Variants in DHX9 observed in about 807,000 individuals in gnomAD.
The protein encoded by DHX9 is DExH-box helicase 9.
Under a neutral mutation model 148.7 loss-of-function variants are expected in DHX9, and 27 were observed. That is an observed-to-expected ratio of 0.18 (90% confidence interval 0.13 to 0.25). The LOEUF (loss-of-function observed/expected upper bound fraction) is 0.25, where lower values mean the gene tolerates loss of function less well. Among genes scored for constraint, DHX9 ranks in the 10% least tolerant of loss-of-function variants. The probability of loss-of-function intolerance (pLI) is 1.00; values close to 1 mark genes in which losing one functional copy is unlikely to be tolerated. For synonymous variants in DHX9, 529 were observed against 516.6 expected (o/e 1.02, Z -0.33); for missense variants, 796 against 1,559.6 (o/e 0.51, Z 8.25).
At chr1:182,849,428 A>T (rs1287545735) in intron 3 of DHX9, among the ~76,000 whole-genome samples, 1 of 152,238 alleles carries the variant, frequency 6.6e-6, no homozygotes, top group Non-Finnish European at 1.5e-5. Flanking sequence ...TATTATAATC[A>T]AACCTAAAAG....
At chr1:182,865,643 A>G (rs1202082934) in intron 12 of DHX9, among the ~76,000 whole-genome samples, 1 of 152,242 alleles carries the variant, frequency 6.6e-6, no homozygotes, top group Non-Finnish European at 1.5e-5. Flanking sequence ...GCCAGGTGAT[A>G]GTATACACAA....
At chr1:182,853,164 T>C in intron 4 of DHX9, 142 bp from the exon 5 acceptor site, 1 of 598,212 alleles carries the variant, frequency 1.7e-6, no homozygotes, top group Non-Finnish European at 3.0e-6. Context: ...TGACCACACG[T>C]GATACCCACC....
At chr1:182,851,916 T>A (rs1328122773) in intron 3 of DHX9, among the ~76,000 whole-genome samples, 2 of 152,204 alleles carry the variant, frequency 1.3e-5, no homozygotes, top group Admixed American at 1.3e-4. Context: ...GTTAAGGTAG[T>A]AAACACTACT....
At chr1:182,852,434 C>G (rs1668171219) in intron 4 of DHX9, 90 bp downstream of exon 4, 2 of 819,198 alleles carry the variant, frequency 2.4e-6, no homozygotes, top group African/African-American at 3.5e-5. Flanking sequence ...GTAGAAAGAA[C>G]TGCAGTAAAC....
intron 3 of DHX9, among the ~76,000 whole-genome samples, chr1:182,849,313 C>G (rs1247773214): frequency 6.6e-6 from 1 of 152,192 alleles, no homozygotes; most frequent in Admixed American, 6.5e-5. Context: ...TTACTCATTT[C>G]TAACTACTCC....
rs368470286 is a variant in DHX9, at chr1:182,858,704, TTTTG to T, written c.901-21_901-18del. The T allele has an allele frequency of 9.9e-5, 160 of 1,612,942 alleles. 1 individual carries two copies. The African/African-American group carries it at 1.8e-3, about 18-fold the overall frequency. On this transcript the variant is annotated intron_variant, in intron 9 of 27. Transcript: ENST00000367549. ...TCTCCGTAGACAAGCAAATCATATT[TTTTG>T]TTTGTTTTTCTTATTTTTTAATAGC...
At position 182,883,338 on chromosome 1, in the gene DHX9, C is replaced by T. The variant is rs1649172546; in HGVS notation, c.3114C>T (p.Tyr1038=). The change falls in exon 25 of 28, where the codon TAC becomes TAT. Residue 1038 remains tyrosine, a synonymous_variant. Coordinates refer to ENST00000367549, the MANE Select transcript of DHX9 (RefSeq NM_001357.5). Reference sequence around the variant, plus strand: ...CTTTTAGTAGCCAAGACATGAAGTACCCATCTCCCTTCTTTGTATTTGGTG... The same window carrying T: ...CTTTTAGTAGCCAAGACATGAAGTATCCATCTCCCTTCTTTGTATTTGGTG... The part of the protein sequence containing the change: ...NCPFSSQDMK[Y]PSPFFVFGEK... The T allele has an allele frequency of 6.2e-7, 1 of 1,613,932 alleles. No individual in the cohort carries two copies.
chr1:182,844,080 T>C (rs1056137735), intron 3 of DHX9, among the ~76,000 whole-genome samples: 1 of 152,098 alleles, frequency 6.6e-6, no homozygotes, highest in African/African-American at 2.4e-5. Context: ...TCCGAGTAGC[T>C]GGGATTACAG....
intron 22 of DHX9, 103 bp downstream of exon 22, chr1:182,880,711 C>G: frequency 1.4e-6 from 1 of 703,616 alleles, no homozygotes; most frequent in South Asian, 1.9e-5. Flanking sequence ...AAAAAAAAAT[C>G]CTAAATGTTC....
chr1:182,883,998 T>G (rs970401684), intron 26 of DHX9, among the ~76,000 whole-genome samples: 2 of 152,172 alleles, frequency 1.3e-5, no homozygotes, highest in Non-Finnish European at 2.9e-5. Context: ...GTATTCTGGG[T>G]CTCTTAAATT....
At chr1:182,850,417 C>G (rs1375069193) in intron 3 of DHX9, among the ~76,000 whole-genome samples, 2 of 151,654 alleles carry the variant, frequency 1.3e-5, no homozygotes, top group Admixed American at 6.6e-5. Context: ...CAACATAGAC[C>G]CCATCTCTAC....
chr1:182,853,274 ACT>A, intron 4 of DHX9, 30 bp from the exon 5 acceptor site: 1 of 1,457,712 alleles, frequency 6.9e-7, no homozygotes, highest in Non-Finnish European at 9.6e-7. Context: ...TACAGTTATG[ACT>A]CATTAAGAGA....
intron 12 of DHX9, 33 bp downstream of exon 12, chr1:182,860,217 G>A (rs1424140676): frequency 1.4e-6 from 2 of 1,480,488 alleles, no homozygotes; most frequent in East Asian, 2.4e-5. Flanking sequence ...AATACCTAGA[G>A]AGCAGACTAT....
At chr1:182,855,775 G>T in intron 6 of DHX9, 1 of 972,790 alleles carries the variant, frequency 1.0e-6, no homozygotes, top group Non-Finnish European at 1.2e-6. Flanking sequence ...GCCTCACCTA[G>T]CCTTTTATTC....
At chr1:182,866,107 T>C (rs1261082725) in intron 12 of DHX9, among the ~76,000 whole-genome samples, 5 of 152,186 alleles carry the variant, frequency 3.3e-5, no homozygotes, top group Admixed American at 3.3e-4. Context: ...TAGGTCTCAG[T>C]TAAATAATTT....
At chr1:182,867,862 A>G (rs543749548) in intron 14 of DHX9, among the ~76,000 whole-genome samples, 1 of 152,352 alleles carries the variant, frequency 6.6e-6, no homozygotes, top group Admixed American at 6.5e-5. Context: ...TCAACTTGCT[A>G]TGCAATTAAA....
chr1:182,860,323 A>G, intron 12 of DHX9, 139 bp downstream of exon 12: 1 of 722,640 alleles, frequency 1.4e-6, no homozygotes, highest in Non-Finnish European at 2.1e-6. Flanking sequence ...GAAAACATAA[A>G]AACAACGTAG....
chr1:182,881,438 T>C lies in DHX9; in HGVS notation c.2786+13T>C. The C allele has an allele frequency of 1.2e-6, 2 of 1,612,778 alleles. No homozygotes were observed. Among genetic ancestry groups the C allele is most frequent in the Non-Finnish European group, 1.7e-6 (2 of 1,179,404 alleles). On this transcript the variant is annotated intron_variant, in intron 23 of 27. Transcript: ENST00000367549. The stretch of plus-strand genomic sequence containing the variant: ...GGGATGATGCTAGGTATGAGTAAGA[T>C]TTGGGTGAGCTGTCTGTAGTTTCTC...
intron 27 of DHX9, among the ~76,000 whole-genome samples, chr1:182,885,835 A>G (rs528637373): frequency 1.3e-5 from 2 of 152,366 alleles, no homozygotes; most frequent in Admixed American, 6.5e-5. Flanking sequence ...GAATAATTCA[A>G]TAACCGTCAT....
Sources: allele counts gnomAD v4.1 joint callset (sites outside exome capture counted in the v4.1 genomes callset), GRCh38; gene constraint gnomAD v4.1.1; transcripts MANE v1.5; gene names NCBI Gene and HGNC (gene_info 2026-07-23, HGNC 2026-07-21).